Variants in RANGAP1 observed in about 807,000 individuals in gnomAD.
RANGAP1 encodes the protein ran GTPase-activating protein 1.
In RANGAP1, 38 loss-of-function variants were observed where a neutral mutation model predicts 63.5. That is an observed-to-expected ratio of 0.60 (90% CI 0.46 to 0.78). The LOEUF (loss-of-function observed/expected upper bound fraction) is 0.78, where lower values mean the gene tolerates loss of function less well. Ranked by LOEUF, RANGAP1 falls within the 30% of genes least tolerant of loss-of-function variation. The pLI is 0.00. For missense variants in RANGAP1, 630 were observed against 740.3 expected (o/e 0.85, Z 1.73); for synonymous variants, 329 against 310.5 (o/e 1.06, Z -0.63).
upstream of RANGAP1, among the ~76,000 whole-genome samples, chr22:41,289,600 G>T (rs1328129437): frequency 6.6e-6 from 1 of 151,800 alleles, no homozygotes. Context: ...TCCAGCCTAG[G>T]CAACAAGAGC....
rs1207964625 is a variant in RANGAP1, at chr22:41,257,409, T to C, written c.774+539A>G. Among the ~76,000 whole-genome samples, 2 of 152,080 alleles carry C rather than the reference T, an allele frequency of 1.3e-5. No individual in the cohort carries two copies. Among genetic ancestry groups the C allele is most frequent in the Non-Finnish European group, 2.9e-5 (2 of 68,028 alleles). On this transcript the variant is annotated intron_variant, in intron 7 of 15. Coordinates refer to ENST00000356244, the MANE Select transcript of RANGAP1 (RefSeq NM_002883.4). This position sits in a 1 kb window ranked among gnomAD's most constrained non-coding sequence, Gnocchi z 4.0. ...AGGCGGGGTCTTTGGCTCAACCCCA[T>C]GTGGCCTGCACTTGGTACAAAGCCA...
At position 41,249,338 on chromosome 22, in the gene RANGAP1, G is replaced by C. The variant is rs754533610; in HGVS notation, c.1686C>G (p.Phe562Leu). 1.9e-6 allele frequency: 3 copies of C among 1,603,486 alleles called. No homozygotes were observed. In the South Asian group the frequency reaches 3.3e-5, roughly 18 times the overall value. The change falls in exon 15 of 16, where the codon TTC (phenylalanine) becomes TTG (leucine). Residue 562 changes from phenylalanine to leucine, a missense_variant. Around this residue, in one of 3 missense-constraint regions of RANGAP1, gnomAD observed 428 missense variants for 465.5 expected, o/e 0.92. Coordinates refer to ENST00000356244, the MANE Select transcript of RANGAP1 (RefSeq NM_002883.4). ...GACAAGGCCACACTCACTTGGTCAC[G>C]AACGCCAGCAGCAGGGGTGCAAGGG... ...PKALAPLLLA[F>L]VTKPNSALES...
rs1027357583 is a variant in RANGAP1 at position 41,246,471 on chromosome 22, C to T, written c.*132G>A. The T allele has an allele frequency of 2.2e-6, 2 of 915,216 alleles. No individual in the cohort carries two copies. The highest frequency in any genetic ancestry group is 3.3e-5 in the African/African-American group (2 of 60,454). 56.7% of individuals were successfully genotyped at this position (915,216 alleles called of 1,614,324 possible). On this transcript the variant is annotated 3_prime_UTR_variant, in exon 16 of 16. Coordinates refer to ENST00000356244, the MANE Select transcript of RANGAP1 (RefSeq NM_002883.4). ...ACACATACTCAGGGGACTGACAGGA[C>T]ACATGGGACACAGACCCGCCCTGCC...
intron 1 of RANGAP1, chr22:41,285,158 A>T (rs2035689146): frequency 6.6e-6 from 1 of 152,160 alleles, no homozygotes; most frequent in Non-Finnish European, 1.5e-5. Flanking sequence ...CCGTCTCTAA[A>T]AAGATAAAAA....
upstream of RANGAP1, among the ~76,000 whole-genome samples, chr22:41,290,427 A>G (rs1370722877): frequency 6.6e-6 from 1 of 152,024 alleles, no homozygotes; most frequent in East Asian, 1.9e-4. Context: ...ATGGGGTTTC[A>G]CTGTGTTGTC....
At chr22:41,255,713 C>A (rs1429031838) in intron 10 of RANGAP1, among the ~76,000 whole-genome samples, 4 of 152,044 alleles carry the variant, frequency 2.6e-5, no homozygotes, top group Non-Finnish European at 4.4e-5. Flanking sequence ...CTGACTGTCC[C>A]ATCCTTATAG....
intron 15 of RANGAP1, among the ~76,000 whole-genome samples, chr22:41,247,594 C>G (rs2033134934): frequency 6.6e-6 from 1 of 152,234 alleles, no homozygotes; most frequent in Non-Finnish European, 1.5e-5. Flanking sequence ...TCAAGTGATC[C>G]AGTTGCCTCA....
At chr22:41,283,046 T>C (rs1380029690) in intron 1 of RANGAP1, among the ~76,000 whole-genome samples, 1 of 152,090 alleles carries the variant, frequency 6.6e-6, no homozygotes, top group Non-Finnish European at 1.5e-5. Flanking sequence ...TAAGCATGAA[T>C]TATTATCCTG....
Position 41,261,431 on chromosome 22 carries a change from A to C in RANGAP1, c.615+15T>G, listed in dbSNP as rs1182923053. The C allele has an allele frequency of 6.2e-7, 1 of 1,614,058 alleles. No homozygotes were observed. Among genetic ancestry groups the C allele is most frequent in the Non-Finnish European group, 8.5e-7 (1 of 1,180,022 alleles). On this transcript the variant is annotated intron_variant, in intron 6 of 15. Coordinates refer to ENST00000356244, the MANE Select transcript of RANGAP1 (RefSeq NM_002883.4). ...CCTCAAGGCTGCAGGGGCAGGATGGACAGAAACCACTCACCCTAAAAGCTT... is the reference window on the plus strand; with the variant it reads ...CCTCAAGGCTGCAGGGGCAGGATGGCCAGAAACCACTCACCCTAAAAGCTT...
At chr22:41,280,484 C>A (rs192907032) in intron 2 of RANGAP1, among the ~76,000 whole-genome samples, 1 of 152,218 alleles carries the variant, frequency 6.6e-6, no homozygotes, top group Non-Finnish European at 1.5e-5. Flanking sequence ...GTTGCATGAA[C>A]CAGCATCTCC....
the RANGAP1 span, among the ~76,000 whole-genome samples, chr22:41,294,828 C>A: frequency 1.4e-5 from 1 of 71,500 alleles, no homozygotes; most frequent in African/African-American, 5.6e-5. Context: ...GCCACCCCGT[C>A]TGGGAAGTGA....
chr22:41,273,519 G>A, intron 3 of RANGAP1, among the ~76,000 whole-genome samples: 1 of 152,078 alleles, frequency 6.6e-6, no homozygotes, highest in Non-Finnish European at 1.5e-5. Flanking sequence ...TGTAATCCCA[G>A]CACATTGGGA....
At position 41,286,146 on chromosome 22, in the gene RANGAP1, G is replaced by A. The variant is rs1326516313; in HGVS notation, c.-199C>T. The A allele has an allele frequency of 6.6e-6, 1 of 152,362 alleles. No individual in the cohort carries two copies. Among genetic ancestry groups the A allele is most frequent in the East Asian group, 1.9e-4 (1 of 5,208 alleles). 9.4% of individuals were successfully genotyped at this position (152,362 alleles called of 1,614,324 possible). A position where few individuals can be genotyped will look rare whatever the true frequency, so the allele number is the denominator to read the frequency against. On this transcript the variant is annotated 5_prime_UTR_variant, in exon 1 of 16. Coordinates refer to ENST00000356244, the MANE Select transcript of RANGAP1 (RefSeq NM_002883.4). ...GTCTGTTAGCTCTCTCGAGCTCCCGGCCTCACGCGCTTCCAGCACCACCTG... is the reference window on the plus strand; with the variant it reads ...GTCTGTTAGCTCTCTCGAGCTCCCGACCTCACGCGCTTCCAGCACCACCTG...
rs2033808371 is a variant in RANGAP1 at position 41,256,015 on chromosome 22, C to T, written c.1073+6G>A. 1 of 1,612,708 alleles carries T rather than the reference C, an allele frequency of 6.2e-7. No individual in the cohort carries two copies. The highest frequency in any genetic ancestry group is 1.3e-5 in the African/African-American group (1 of 74,902). ...CCGACCTCTGGGGCCACCCCGAGTT[C>T]CCTACCTGAGGGACGCCAGCACCTT... On this transcript the variant is annotated splice_donor_region_variant and intron_variant, in intron 10 of 15. Coordinates refer to ENST00000356244, the MANE Select transcript of RANGAP1 (RefSeq NM_002883.4).
At chr22:41,277,432 A>C (rs1181967168) in intron 2 of RANGAP1, 11 of 1,179,410 alleles carry the variant, frequency 9.3e-6, no homozygotes, top group Non-Finnish European at 1.0e-5. Flanking sequence ...ATTCTATAAT[A>C]AACCTGCATT....
rs559434956 is a variant in RANGAP1, at chr22:41,261,823, G to T, written c.481-243C>A. Among the ~76,000 whole-genome samples the T allele has an allele frequency of 1.8e-4, 28 of 152,322 alleles. No individual in the cohort carries two copies. The South Asian group carries it at 5.6e-3, about 30-fold the overall frequency. On this transcript the variant is annotated intron_variant, in intron 5 of 15. Coordinates refer to ENST00000356244, the MANE Select transcript of RANGAP1 (RefSeq NM_002883.4). ...GAGGTTTAGCTTCACTTTCGAGACG[G>T]GGAGACCAAGCCCTACTCAGGAAAG...
intron 2 of RANGAP1, among the ~76,000 whole-genome samples, chr22:41,276,594 G>C (rs1297151814): frequency 6.6e-6 from 1 of 152,046 alleles, no homozygotes; most frequent in Admixed American, 6.6e-5. Flanking sequence ...AGCCGAGATC[G>C]TGGCATTGCA....
intron 2 of RANGAP1, among the ~76,000 whole-genome samples, chr22:41,278,067 C>T (rs1455527405): frequency 7.0e-6 from 1 of 143,024 alleles, no homozygotes; most frequent in Non-Finnish European, 1.5e-5. Context: ...GAGATAGTCT[C>T]GTTCTGTCAC....
At chr22:41,295,131 CTG>C in the RANGAP1 span, among the ~76,000 whole-genome samples, 1 of 135,952 alleles carries the variant, frequency 7.4e-6, no homozygotes, top group African/African-American at 3.3e-5. Context: ...AGGGGCGCCT[CTG>C]CCCGGCCGCC....
Sources: gnomAD v4.1 joint callset for allele counts (sites outside exome capture counted in the v4.1 genomes callset) on GRCh38, gnomAD v4.1.1 for gene constraint, gnomAD v4.1.1 regional missense constraint, Gnocchi (gnomAD v3.1) non-coding constraint, MANE v1.5 for transcripts, NCBI Gene and HGNC (gene_info 2026-07-23, HGNC 2026-07-21) for gene names.